DNAH3: variants seen among roughly 807,000 people sequenced by gnomAD.
DNAH3 encodes the protein axonemal beta dynein heavy chain 3.
In DNAH3, 332 loss-of-function variants were observed where a neutral mutation model predicts 432.5. The ratio of observed to expected loss-of-function variants is 0.77; its 90% confidence interval spans 0.70 to 0.84. DNAH3 has a LOEUF of 0.84. DNAH3 is among the 40% of genes least tolerant of loss of function. DNAH3 has a pLI of 0.00. For synonymous variants in DNAH3, 1,956 were observed against 1,900.2 expected (o/e 1.03, Z -0.76); for missense variants, 4,861 against 5,114.0 (o/e 0.95, Z 1.51).
intron 24 of DNAH3, among the ~76,000 whole-genome samples, chr16:21,066,773 T>C (rs182479580): frequency 1.3e-5 from 2 of 152,072 alleles, no homozygotes; most frequent in Admixed American, 1.3e-4. Flanking sequence ...ACTACAAAAT[T>C]TGATGGTATA....
intron 41 of DNAH3, among the ~76,000 whole-genome samples, chr16:21,004,263 T>G (rs896126875): frequency 7.9e-5 from 12 of 152,228 alleles, no homozygotes; most frequent in Non-Finnish European, 1.3e-4. Flanking sequence ...GTACGCATTA[T>G]CCAGCCTCAA....
chr16:20,944,776 G>GACAGAC (rs2083969438), intron 57 of DNAH3, 113 bp from the exon 58 acceptor site: 4 of 702,100 alleles, frequency 5.7e-6, no homozygotes, highest in Non-Finnish European at 9.6e-6. Flanking sequence ...AGTAGCACAG[G>GACAGAC]ACACACACAC....
At chr16:20,984,321 G>A (rs78354524) in intron 48 of DNAH3, among the ~76,000 whole-genome samples, 7,733 of 152,240 alleles carry the variant, frequency 0.051, 274 homozygotes, top group Admixed American at 0.1. Flanking sequence ...TGATTAGAAA[G>A]TTGCAGAGGT....
chr16:21,104,530 G>T (rs2091905410), exon 16 of DNAH3: 1 of 1,613,904 alleles, frequency 6.2e-7, no homozygotes, highest in Non-Finnish European at 8.5e-7. Context: ...TCCGGCTGTT[G>T]TCAAAGATAT....
chr16:21,141,790 C>A (rs757905757), intron 3 of DNAH3, among the ~76,000 whole-genome samples: 1 of 152,234 alleles, frequency 6.6e-6, no homozygotes, highest in African/African-American at 2.4e-5. Flanking sequence ...GTGGCTCATG[C>A]CTGTAATCCC....
intron 24 of DNAH3, chr16:21,062,943 C>G: frequency 2.4e-6 from 1 of 412,846 alleles, no homozygotes; most frequent in Non-Finnish European, 4.3e-6. Context: ...TCTCCTCAGC[C>G]TCCTGAGTAG....
At chr16:21,098,572 T>C (rs1185159631) in intron 17 of DNAH3, 44 bp downstream of exon 17, 2 of 1,555,456 alleles carry the variant, frequency 1.3e-6, no homozygotes, top group East Asian at 4.5e-5. Flanking sequence ...TCAGAACCAA[T>C]AGACCAGTAC....
At chr16:20,969,699 C>G in intron 52 of DNAH3, 93 bp downstream of exon 52, 1 of 1,386,490 alleles carries the variant, frequency 7.2e-7, no homozygotes, top group Non-Finnish European at 1.0e-6. Context: ...CTTGCCTGCA[C>G]GCCTGCAGTC....
rs1596848619 is a variant in DNAH3, at chr16:20,935,467, G to GC, written c.11877dup (p.Pro3960AlafsTer33). On this transcript the variant is annotated frameshift_variant, in exon 61 of 62. Transcript: ENST00000261383. LOFTEE classifies it high-confidence loss of function. ...CCAGAGATCCAAAATACCACAGGGG[G>GC]CCCCTTGTCAATCCATTCCTGGAGA... 6.2e-7 allele frequency: 1 copy of GC among 1,611,340 alleles called. No individual in the cohort carries two copies. The highest frequency in any genetic ancestry group is 8.5e-7 in the Non-Finnish European group (1 of 1,179,428).
chr16:20,990,712 T>G (rs547161337), intron 44 of DNAH3, among the ~76,000 whole-genome samples: 2 of 152,262 alleles, frequency 1.3e-5, no homozygotes, highest in East Asian at 3.9e-4. Flanking sequence ...TAGCATCTAC[T>G]GTCAAGATTA....
At chr16:20,949,261 C>T (rs1596908803) in intron 56 of DNAH3, among the ~76,000 whole-genome samples, 1 of 74,990 alleles carries the variant, frequency 1.3e-5, no homozygotes, top group African/African-American at 5.8e-5. Context: ...GGGAGACTGT[C>T]TCAAAAAAAA....
chr16:20,980,063 G>C lies in DNAH3; in HGVS notation c.7860-517C>G, dbSNP rs1317317679. 2.6e-5 allele frequency among the ~76,000 whole-genome samples: 4 copies of C among 151,106 alleles called. No homozygotes were observed. The Admixed American group carries it at 2.7e-4, about 10-fold the overall frequency. On this transcript the variant is annotated intron_variant, in intron 49 of 61. Transcript: ENST00000261383. ...CCACGCCCAGCCACAAATGGTCTTT[G>C]ATCAAGTCATTTCTATCACTGATCC... is the stretch of plus-strand genomic sequence containing the variant.
intron 31 of DNAH3, among the ~76,000 whole-genome samples, chr16:21,045,409 G>T (rs1208735912): frequency 4.8e-5 from 7 of 144,686 alleles, no homozygotes; most frequent in South Asian, 4.5e-4. Context: ...TTGGGAGAGT[G>T]TATGTGTCCA....
chr16:21,125,127 A>G, intron 9 of DNAH3, 48 bp downstream of exon 10: 1 of 1,481,662 alleles, frequency 6.7e-7, no homozygotes, highest in Non-Finnish European at 9.1e-7. Flanking sequence ...CTAACCAAGT[A>G]ACCAGGTTAT....
At chr16:21,093,410 A>T (rs2091593174) in intron 18 of DNAH3, among the ~76,000 whole-genome samples, 1 of 152,190 alleles carries the variant, frequency 6.6e-6, no homozygotes, top group African/African-American at 2.4e-5. Context: ...AAACACTGAT[A>T]AAAAGAAGTA....
intron 19 of DNAH3, among the ~76,000 whole-genome samples, chr16:21,084,709 G>A (rs1026246919): frequency 2.0e-5 from 3 of 151,974 alleles, no homozygotes; most frequent in African/African-American, 7.3e-5. Flanking sequence ...CTGGCCTCAA[G>A]TGATCCTCCT....
chr16:21,111,206 G>C (rs762339544), intron 14 of DNAH3, among the ~76,000 whole-genome samples: 1 of 152,130 alleles, frequency 6.6e-6, no homozygotes, highest in African/African-American at 2.4e-5. Flanking sequence ...CAGAATTCCC[G>C]GACCTATACA....
chr16:20,946,844 T>TTTTTA (rs2084069121), intron 57 of DNAH3, among the ~76,000 whole-genome samples: 1 of 146,950 alleles, frequency 6.8e-6, no homozygotes, highest in African/African-American at 2.5e-5. Context: ...TTTTTTTTTT[T>TTTTTA]GAGACAGGGT....
At chr16:20,981,575 A>T (rs1302866732) in intron 49 of DNAH3, among the ~76,000 whole-genome samples, 1 of 151,950 alleles carries the variant, frequency 6.6e-6, no homozygotes, top group Non-Finnish European at 1.5e-5. Context: ...AAATCCAAAA[A>T]TTAGCTGGGC....
Sources: allele counts gnomAD v4.1 joint callset (sites outside exome capture counted in the v4.1 genomes callset), GRCh38; gene constraint gnomAD v4.1.1; transcripts MANE v1.5; gene names NCBI Gene and HGNC (gene_info 2026-07-23, HGNC 2026-07-21).